Variants in KCNK10 observed in about 807,000 individuals in gnomAD.
KCNK10 encodes potassium two pore domain channel subfamily K member 10, also known as potassium channel subfamily K member 10.
In KCNK10, 25 loss-of-function variants were observed where a neutral mutation model predicts 47.7. That is an observed-to-expected ratio of 0.52 (90% CI 0.38 to 0.73). KCNK10 has a LOEUF of 0.73. KCNK10 is among the 30% of genes least tolerant of loss of function. The probability of loss-of-function intolerance (pLI) is 0.00; values close to 1 mark genes in which losing one functional copy is unlikely to be tolerated. For missense variants in KCNK10, 563 were observed against 714.5 expected (o/e 0.79, Z 2.42); for synonymous variants, 303 against 285.6 (o/e 1.06, Z -0.61).
chr14:88,307,774 C>T (rs921101676), intron 1 of KCNK10, among the ~76,000 whole-genome samples: 2 of 152,226 alleles, frequency 1.3e-5, no homozygotes, highest in South Asian at 2.1e-4. Flanking sequence ...GAATAAATTA[C>T]ATATTATATG....
chr14:88,244,445 G>C (rs564221117), intron 2 of KCNK10, among the ~76,000 whole-genome samples: 1 of 152,274 alleles, frequency 6.6e-6, no homozygotes, highest in Non-Finnish European at 1.5e-5. Context: ...AAGGCAGGTG[G>C]ATCACAAGGT....
chr14:88,277,988 T>C lies in KCNK10; in HGVS notation c.53-14437A>G, dbSNP rs530811109. On this transcript the variant is annotated intron_variant, in intron 1 of 6. Coordinates refer to ENST00000319231, the MANE Select transcript of KCNK10 (RefSeq NM_138317.3). ...GCACAGTGTATAAAAAGGGCTCGAT[T>C]AATGTTCATGGCATGAATTCAACAA... Among the ~76,000 whole-genome samples, 102 of 152,310 alleles carry C rather than the reference T, an allele frequency of 6.7e-4. 1 individual carries two copies. The highest frequency in any genetic ancestry group is 2.3e-3 in the African/African-American group (95 of 41,572).
At chr14:88,250,859 A>G (rs10143263) in intron 2 of KCNK10, among the ~76,000 whole-genome samples, 2,357 of 152,234 alleles carry the variant, frequency 0.015, 56 homozygotes, top group African/African-American at 0.054. Flanking sequence ...CAGACCAAAA[A>G]GAAAAGACTT....
intron 2 of KCNK10, among the ~76,000 whole-genome samples, chr14:88,251,706 T>C (rs995946006): frequency 7.2e-5 from 11 of 152,382 alleles, no homozygotes; most frequent in African/African-American, 2.6e-4. Context: ...AACATAACTG[T>C]AAGCTTCACA....
At chr14:88,276,229 C>T (rs1887524293) in intron 1 of KCNK10, among the ~76,000 whole-genome samples, 1 of 151,816 alleles carries the variant, frequency 6.6e-6, no homozygotes, top group Admixed American at 6.6e-5. Flanking sequence ...AGGGCTGAGC[C>T]CTCATGAATT....
chr14:88,260,561 G>T lies in KCNK10; in HGVS notation c.402+2641C>A, dbSNP rs1887082233. 6.6e-6 allele frequency among the ~76,000 whole-genome samples: 1 copy of T among 152,202 alleles called. No homozygotes were observed. The highest frequency in any genetic ancestry group is 2.4e-5 in the African/African-American group (1 of 41,450). On this transcript the variant is annotated intron_variant, in intron 2 of 6. Coordinates refer to ENST00000319231, the MANE Select transcript of KCNK10 (RefSeq NM_138317.3). The surrounding 1 kb of genome is among the most constrained non-coding windows in gnomAD (Gnocchi z 4.5). ...TACTTAAAGGGCCTGTAGACTATTT[G>T]GATGAGAGAGTGTACAGTCAGTCCA... is the stretch of plus-strand genomic sequence containing the variant.
chr14:88,196,505 A>T (rs1004310533), intron 4 of KCNK10, among the ~76,000 whole-genome samples: 1 of 152,140 alleles, frequency 6.6e-6, no homozygotes, highest in Non-Finnish European at 1.5e-5. Flanking sequence ...CTATTTTTTC[A>T]TTTAATTTTT....
chr14:88,302,480 C>T (rs375992046), intron 1 of KCNK10, among the ~76,000 whole-genome samples: 5 of 152,254 alleles, frequency 3.3e-5, no homozygotes, highest in Admixed American at 6.5e-5. Context: ...GAGGCCGAGG[C>T]GGGTGGATCA....
At chr14:88,238,573 G>T (rs2139886951) in intron 3 of KCNK10, among the ~76,000 whole-genome samples, 1 of 152,286 alleles carries the variant, frequency 6.6e-6, no homozygotes, top group East Asian at 1.9e-4. Flanking sequence ...TACTTAGGGG[G>T]CTGAGGTGGG....
At chr14:88,189,113 A>T (rs1884664937) in intron 5 of KCNK10, among the ~76,000 whole-genome samples, 1 of 152,186 alleles carries the variant, frequency 6.6e-6, no homozygotes, top group Non-Finnish European at 1.5e-5. Flanking sequence ...AGACTTTCCC[A>T]CCAGACCAAG....
chr14:88,256,061 G>T (rs529283175), intron 2 of KCNK10, among the ~76,000 whole-genome samples: 2 of 152,202 alleles, frequency 1.3e-5, no homozygotes, highest in Non-Finnish European at 2.9e-5. Context: ...TCAGGGGTAA[G>T]ATTCTAGAGA....
intron 1 of KCNK10, among the ~76,000 whole-genome samples, chr14:88,313,342 G>A (rs1412264385): frequency 6.6e-6 from 1 of 152,158 alleles, no homozygotes; most frequent in Non-Finnish European, 1.5e-5. Flanking sequence ...ACGTGAATGT[G>A]ATCACCCCCA....
intron 2 of KCNK10, among the ~76,000 whole-genome samples, chr14:88,250,287 T>G (rs1886758194): frequency 6.6e-6 from 1 of 152,180 alleles, no homozygotes; most frequent in African/African-American, 2.4e-5. Context: ...CTCGGAGGCC[T>G]GTAGACACAG....
chr14:88,218,796 G>A (rs959630579), intron 4 of KCNK10, among the ~76,000 whole-genome samples: 1 of 152,074 alleles, frequency 6.6e-6, no homozygotes, highest in South Asian at 2.1e-4. Flanking sequence ...GGGAGAAAGA[G>A]GCCGCCTGCT....
At chr14:88,239,464 G>A (rs1028071008) in intron 3 of KCNK10, among the ~76,000 whole-genome samples, 2 of 152,152 alleles carry the variant, frequency 1.3e-5, no homozygotes, top group African/African-American at 4.8e-5. Flanking sequence ...CTTTGTGTTG[G>A]AAAAAGAGAG....
chr14:88,291,296 T>C (rs967701725), intron 1 of KCNK10, among the ~76,000 whole-genome samples: 11 of 152,162 alleles, frequency 7.2e-5, no homozygotes, highest in Non-Finnish European at 1.5e-4. Context: ...ACAGCTTTCA[T>C]TCAAAGAGAG....
chr14:88,187,518 C>T (rs546863049), intron 6 of KCNK10, among the ~76,000 whole-genome samples: 6 of 152,174 alleles, frequency 3.9e-5, no homozygotes, highest in African/African-American at 1.2e-4. Context: ...CTCACTTCCC[C>T]GTAGCTGGTC....
At chr14:88,285,801 A>C (rs534423591) in intron 1 of KCNK10, among the ~76,000 whole-genome samples, 1 of 152,200 alleles carries the variant, frequency 6.6e-6, no homozygotes, top group Non-Finnish European at 1.5e-5. Flanking sequence ...GACTGTATTT[A>C]CCAAAACTAG....
At chr14:88,286,675 G>T (rs777628207) in intron 1 of KCNK10, among the ~76,000 whole-genome samples, 3 of 152,284 alleles carry the variant, frequency 2.0e-5, no homozygotes, top group Middle Eastern at 3.4e-3. Flanking sequence ...AAGGTGAAAG[G>T]CACGTCTTTC....
Sources: allele counts gnomAD v4.1 joint callset (sites outside exome capture counted in the v4.1 genomes callset), GRCh38; gene constraint gnomAD v4.1.1; non-coding constraint Gnocchi (gnomAD v3.1); transcripts MANE v1.5; gene names NCBI Gene and HGNC (gene_info 2026-07-23, HGNC 2026-07-21).